The following MAP3K15 variants were observed in gnomAD, a reference collection of about 807,000 sequenced individuals.
MAP3K15 encodes the protein MAPK/ERK kinase kinase 15.
In MAP3K15, 124 loss-of-function variants were observed where a neutral mutation model predicts 99.5. The observed-to-expected ratio is 1.25, with a 90% CI of 1.08 to 1.45. MAP3K15 has a LOEUF of 1.45. Ranked by LOEUF, MAP3K15 falls within the 40% of genes most tolerant of loss-of-function variation. MAP3K15 has a pLI of 0.00. For synonymous variants in MAP3K15, 494 were observed against 439.6 expected, an observed-to-expected ratio of 1.12 and a Z score of -1.55; for missense variants, 1,242 against 1,079.7, an observed-to-expected ratio of 1.15 and a Z score of -2.11.
intron 3 of MAP3K15, among the ~76,000 whole-genome samples, chrX:19,471,431 T>G (rs1174579952): frequency 6.3e-5 from 7 of 110,919 alleles, no homozygotes; most frequent in Non-Finnish European, 1.9e-5. Context: ...ACCAGCTAAT[T>G]TTGTATTTTT....
intron 1 of MAP3K15, among the ~76,000 whole-genome samples, chrX:19,498,688 T>C (rs1332899664): frequency 8.9e-6 from 1 of 112,220 alleles, no homozygotes; most frequent in African/African-American, 3.2e-5. Flanking sequence ...TCCTGCCTTC[T>C]GGACTCAAAG....
In MAP3K15 at chrX:19,380,295, A is replaced by C; in HGVS notation, c.2432-18T>G. On this transcript the variant is annotated intron_variant, in intron 18 of 28. Transcript: ENST00000338883. Reference sequence around the variant, plus strand: ...CAGGGTGCCTATTTGGAAAACAAACAAACAGGCTGTGGGTACCATATTGCT... The same window carrying C: ...CAGGGTGCCTATTTGGAAAACAAACCAACAGGCTGTGGGTACCATATTGCT... 8.3e-7 allele frequency: 1 copy of C among 1,206,586 alleles called. No homozygotes were observed. The highest frequency in any genetic ancestry group is 1.1e-6 in the Non-Finnish European group (1 of 893,429).
chrX:19,429,393 G>C (rs150232152), intron 7 of MAP3K15, among the ~76,000 whole-genome samples: 1 of 110,453 alleles, frequency 9.1e-6, no homozygotes, highest in South Asian at 3.9e-4. Flanking sequence ...AAGAAGGCTC[G>C]CAGAAGGGCT....
At position 19,415,135 on chromosome X, in the gene MAP3K15, T is replaced by G. The variant is rs1221023918; in HGVS notation, c.1562A>C (p.Asn521Thr). The G allele has an allele frequency of 1.7e-6, 2 of 1,174,921 alleles. No homozygotes were observed. Among genetic ancestry groups the G allele is most frequent in the Non-Finnish European group, 2.3e-6 (2 of 882,345 alleles). Residue 521 changes from asparagine (N) to threonine (T), a missense_variant, in exon 10 of 29, where the codon AAT (asparagine) becomes ACT (threonine). Physicochemically the swap from Asn to Thr is moderately conservative, Grantham distance 65. Transcript: ENST00000338883. ...AAATCTGAGTCCATTAGTGACTTCATTTGTTGCCTCAAAAATTATATCTAA... is the reference window on the plus strand; with the variant it reads ...AAATCTGAGTCCATTAGTGACTTCAGTTGTTGCCTCAAAAATTATATCTAA... ...FWLDIIFEAT[N>T]EVTNGLRFPV...
At chrX:19,472,163 G>C (rs1294297213) in intron 3 of MAP3K15, among the ~76,000 whole-genome samples, 1 of 109,823 alleles carries the variant, frequency 9.1e-6, no homozygotes, top group East Asian at 2.8e-4. Flanking sequence ...GGTGGAGCTT[G>C]CAGTGAGCTG....
At position 19,466,654 on chromosome X, in the gene MAP3K15, A is replaced by G. The variant is rs1030587183; in HGVS notation, c.526-2248T>C. 2.7e-5 allele frequency: 3 copies of G among 112,530 alleles called. No individual in the cohort carries two copies. The Admixed American group carries it at 2.8e-4, about 11-fold the overall frequency. The allele number at this position is 112,530 out of a possible 1,213,427, so 9.3% of individuals were successfully genotyped here. On this transcript the variant is annotated intron_variant, in intron 3 of 28. Transcript: ENST00000338883. ...GTTCTTTATAGCAGTATGAAAATGG[A>G]CTAATACACACCTGAAATTGGTTGA...
chrX:19,378,699 G>C (rs1261963669), intron 19 of MAP3K15, among the ~76,000 whole-genome samples: 1 of 111,580 alleles, frequency 9.0e-6, no homozygotes, highest in African/African-American at 3.3e-5. Context: ...ATGTTTCTAA[G>C]CATACATGAG....
At chrX:19,456,560 A>G (rs1164070184) in intron 6 of MAP3K15, among the ~76,000 whole-genome samples, 1 of 112,262 alleles carries the variant, frequency 8.9e-6, no homozygotes. Context: ...CCATGTGTAT[A>G]GCCAATTATC....
chrX:19,403,082 T>G (rs2063620420), intron 13 of MAP3K15, among the ~76,000 whole-genome samples: 1 of 111,509 alleles, frequency 9.0e-6, no homozygotes, highest in African/African-American at 3.3e-5. Context: ...TCAAAACAGT[T>G]ATCACTGGAG....
Position 19,515,096 on chromosome X carries a change from C to T in MAP3K15, c.166G>A (p.Gly56Arg). Residue 56 changes from glycine to arginine, a missense_variant, in exon 1 of 29, where the codon GGG (glycine) becomes AGG (arginine). Physicochemically the swap from Gly to Arg is moderately radical, Grantham distance 125. Coordinates refer to ENST00000338883, the MANE Select transcript of MAP3K15 (RefSeq NM_001001671.4). ...GGSGEGESGGGPRRALRAVYV... is the reference protein window; with the variant it reads ...GGSGEGESGGRPRRALRAVYV... ...ACTGCCCGCAGAGCCCGCCGCGGCC[C>T]GCCCCCACTCTCGCCCTCGCCGCTG... 2 of 863,740 alleles carry T rather than the reference C, an allele frequency of 2.3e-6. No homozygotes were observed. Among genetic ancestry groups the T allele is most frequent in the Non-Finnish European group, 3.0e-6 (2 of 674,752 alleles). 71.2% of individuals were successfully genotyped at this position (863,740 alleles called of 1,213,427 possible).
In MAP3K15 at chrX:19,400,604, T is replaced by C. The variant is rs779958714; in HGVS notation, c.1904A>G (p.Glu635Gly). ...TNTAGSTVEL[E>G]GETDGDTLEY... ...CAAGGTGTCTCCATCGGTCTCTCCC[T>C]CCAGCTCCACCGTACTGCCTGCTGT... The change falls in exon 14 of 29, where the codon GAG becomes GGG. Residue 635 changes from glutamate (E) to glycine (G), a missense_variant. Physicochemically the swap from Glu to Gly is moderately conservative, Grantham distance 98. Transcript: ENST00000338883. 1.2e-5 allele frequency: 15 copies of C among 1,206,070 alleles called. No homozygotes were observed. The Admixed American group carries it at 3.3e-4, about 26-fold the overall frequency.
intron 14 of MAP3K15, among the ~76,000 whole-genome samples, chrX:19,400,202 G>C (rs10127162): frequency 0.23 from 26,028 of 111,423 alleles, 5,924 homozygotes; most frequent in African/African-American, 0.72. Flanking sequence ...ATTTCATATA[G>C]TATATGCACA....
intron 10 of MAP3K15, 95 bp downstream of exon 10, chrX:19,415,010 TAC>T (rs1394773579): frequency 2.7e-6 from 2 of 752,074 alleles, no homozygotes; most frequent in Non-Finnish European, 3.7e-6. Context: ...AAAATTACTC[TAC>T]AGTTTTCTTC....
intron 15 of MAP3K15, among the ~76,000 whole-genome samples, chrX:19,397,030 G>A (rs944240670): frequency 1.8e-5 from 2 of 109,108 alleles, no homozygotes; most frequent in Non-Finnish European, 3.8e-5. Context: ...CTCCAGAGTA[G>A]CTGGGACTAC....
At chrX:19,380,051 TG>T (rs2063447481) in intron 19 of MAP3K15, 68 bp downstream of exon 19, 1 of 1,052,461 alleles carries the variant, frequency 9.5e-7, no homozygotes, top group African/African-American at 1.9e-5. Context: ...TTTTCTGGAT[TG>T]GGAGGAGACT....
chrX:19,507,239 A>G (rs2064483366), intron 1 of MAP3K15, among the ~76,000 whole-genome samples: 1 of 111,660 alleles, frequency 9.0e-6, no homozygotes, highest in South Asian at 3.7e-4. Context: ...TCCTACTACA[A>G]TAAGTGTATT....
intron 13 of MAP3K15, among the ~76,000 whole-genome samples, chrX:19,402,220 G>A (rs1004920400): frequency 1.8e-5 from 2 of 109,943 alleles, no homozygotes; most frequent in Admixed American, 9.7e-5. Context: ...GCTTGAGACC[G>A]GGAGGCAGAG....
rs147323806 is a variant in MAP3K15, at chrX:19,371,344, C to A, written c.3294+1G>T. 1.7e-5 allele frequency: 20 copies of A among 1,202,776 alleles called. No individual in the cohort carries two copies. Among genetic ancestry groups the A allele is most frequent in the South Asian group, 7.1e-5 (4 of 56,400 alleles). On this transcript the variant is annotated splice_donor_variant, in intron 23 of 28. Transcript: ENST00000338883. LOFTEE classifies it high-confidence loss of function. ...TCCCTAGGGCCAGATGGAGCACTTA[C>A]GGCATCCTGAAATCCGAACAGCACC...
At chrX:19,389,068 G>A (rs1385142982) in intron 18 of MAP3K15, among the ~76,000 whole-genome samples, 1 of 110,697 alleles carries the variant, frequency 9.0e-6, no homozygotes, top group Non-Finnish European at 1.9e-5. Flanking sequence ...TTCATTCCAA[G>A]CATATGAATA....
Sources: gnomAD v4.1 joint callset for allele counts (sites outside exome capture counted in the v4.1 genomes callset) on GRCh38, gnomAD v4.1.1 for gene constraint, MANE v1.5 for transcripts, NCBI Gene and HGNC (gene_info 2026-07-23, HGNC 2026-07-21) for gene names.